Variants in LIMCH1 observed in about 807,000 individuals in gnomAD.
The protein encoded by LIMCH1 is LIM and calponin homology domains 1, also known as LIM and calponin homology domains-containing protein 1.
In LIMCH1, 113 loss-of-function variants were observed where a neutral mutation model predicts 176.5. That is an observed-to-expected ratio of 0.64 (90% confidence interval 0.55 to 0.75). The LOEUF is 0.75. Among genes scored for constraint, LIMCH1 ranks in the 30% least tolerant of loss-of-function variants. The probability of loss-of-function intolerance (pLI) is 0.00; values close to 1 mark genes in which losing one functional copy is unlikely to be tolerated. For missense variants in LIMCH1, 1,674 were observed against 1,814.9 expected (o/e 0.92, Z 1.41); for synonymous variants, 619 against 645.9 (o/e 0.96, Z 0.63).
upstream of LIMCH1, among the ~76,000 whole-genome samples, chr4:41,536,710 C>G (rs1202572482): frequency 6.6e-6 from 1 of 152,030 alleles, no homozygotes; most frequent in South Asian, 2.1e-4. Flanking sequence ...AATACCCGAC[C>G]AGTATTCTTC....
intron 1 of LIMCH1, among the ~76,000 whole-genome samples, chr4:41,447,676 A>C (rs2063420561): frequency 6.6e-6 from 1 of 152,224 alleles, no homozygotes. Context: ...GGAGACGAGA[A>C]TATCGAGACA....
At chr4:41,487,819 A>C (rs1029246565) in intron 1 of LIMCH1, among the ~76,000 whole-genome samples, 24 of 150,988 alleles carry the variant, frequency 1.6e-4, no homozygotes, top group African/African-American at 5.4e-4. Context: ...CGCCCGGCTA[A>C]TTTTTTGTAT....
intron 6 of LIMCH1, 109 bp downstream of exon 6, chr4:41,619,549 A>G: frequency 1.5e-6 from 2 of 1,378,814 alleles, no homozygotes; most frequent in South Asian, 1.3e-5. Flanking sequence ...ACTTTGATGG[A>G]AGATTACAGA....
chr4:41,576,279 A>G (rs145736731), intron 1 of LIMCH1, among the ~76,000 whole-genome samples: 1 of 152,120 alleles, frequency 6.6e-6, no homozygotes, highest in East Asian at 1.9e-4. Context: ...ATTTTTTCAG[A>G]CTTTTTTTAA....
At chr4:41,629,964 C>T (rs2093225909) in intron 9 of LIMCH1, among the ~76,000 whole-genome samples, 2 of 151,906 alleles carry the variant, frequency 1.3e-5, no homozygotes, top group South Asian at 2.1e-4. Context: ...TGCCACTATG[C>T]CTGGTTAATC....
chr4:41,534,041 A>G (rs553111437), upstream of LIMCH1, among the ~76,000 whole-genome samples: 2 of 152,324 alleles, frequency 1.3e-5, no homozygotes, highest in East Asian at 1.9e-4. Flanking sequence ...TGTGTGCAGT[A>G]AAAGCCACTG....
chr4:41,616,765 G>A (rs1375805296), intron 5 of LIMCH1, among the ~76,000 whole-genome samples: 2 of 151,938 alleles, frequency 1.3e-5, no homozygotes, highest in East Asian at 1.9e-4. Context: ...TAATTCTTGC[G>A]ACAACATGTG....
chr4:41,493,159 T>C (rs572419262), intron 1 of LIMCH1, among the ~76,000 whole-genome samples: 72 of 152,290 alleles, frequency 4.7e-4, no homozygotes, highest in Non-Finnish European at 8.7e-4. Flanking sequence ...TGTCTTTTAA[T>C]TGGGGATGTT....
chr4:41,599,068 A>G (rs545451084), intron 2 of LIMCH1, 42 bp downstream of exon 2: 65 of 1,220,406 alleles, frequency 5.3e-5, no homozygotes, highest in Non-Finnish European at 6.0e-5. Context: ...ACTCCTTTAT[A>G]GTTTGATTTG....
At chr4:41,592,121 G>A (rs2087712866) in intron 1 of LIMCH1, among the ~76,000 whole-genome samples, 1 of 152,230 alleles carries the variant, frequency 6.6e-6, no homozygotes, top group Non-Finnish European at 1.5e-5. Context: ...AACCTCTTCT[G>A]TAACTGCTGG....
chr4:41,460,466 A>T (rs866256347), intron 1 of LIMCH1, among the ~76,000 whole-genome samples: 1 of 139,064 alleles, frequency 7.2e-6, no homozygotes, highest in African/African-American at 2.9e-5. Context: ...ATCTATATAT[A>T]TATATATATA....
intron 1 of LIMCH1, among the ~76,000 whole-genome samples, chr4:41,587,080 G>T (rs6845053): frequency 0.35 from 53,100 of 152,164 alleles, 14,834 homozygotes; most frequent in African/African-American, 0.78. Context: ...GCAAATGGAA[G>T]CAGCATTGCA....
chr4:41,598,892 A>T, intron 1 of LIMCH1, 28 bp from the exon 2 acceptor site: 1 of 1,407,840 alleles, frequency 7.1e-7, no homozygotes, highest in Non-Finnish European at 1.0e-6. Context: ...AAGATAATAT[A>T]GACTTATATT....
At chr4:41,454,976 G>GTGTT (rs1197479298) in intron 1 of LIMCH1, among the ~76,000 whole-genome samples, 2 of 147,490 alleles carry the variant, frequency 1.4e-5, no homozygotes, top group African/African-American at 5.3e-5. Context: ...GTGTGTGTGT[G>GTGTT]TGTTTGTGTG....
At chr4:41,428,876 C>T (rs1458706567) in intron 1 of LIMCH1, among the ~76,000 whole-genome samples, 4 of 152,214 alleles carry the variant, frequency 2.6e-5, no homozygotes, top group Non-Finnish European at 1.5e-5. Flanking sequence ...TGTGTGAAGA[C>T]AGTCGCTCAC....
At chr4:41,587,372 A>G (rs1472970251) in intron 1 of LIMCH1, among the ~76,000 whole-genome samples, 2 of 152,110 alleles carry the variant, frequency 1.3e-5, no homozygotes, top group African/African-American at 2.4e-5. Context: ...TTGACCCTAG[A>G]CAGGTCAATA....
chr4:41,446,500 G>C (rs2063307386), intron 1 of LIMCH1, among the ~76,000 whole-genome samples: 1 of 152,240 alleles, frequency 6.6e-6, no homozygotes, highest in African/African-American at 2.4e-5. Flanking sequence ...CTGGAATGAA[G>C]TGAGCTTTGA....
intron 1 of LIMCH1, among the ~76,000 whole-genome samples, chr4:41,371,104 C>T (rs2053889053): frequency 6.6e-6 from 1 of 152,122 alleles, no homozygotes; most frequent in Non-Finnish European, 1.5e-5. Flanking sequence ...ATTTGGGACC[C>T]TTTAGAAGTA....
chr4:41,478,064 T>C (rs920180178), intron 1 of LIMCH1, among the ~76,000 whole-genome samples: 1 of 152,178 alleles, frequency 6.6e-6, no homozygotes, highest in African/African-American at 2.4e-5. Context: ...TTGTTTCTTA[T>C]AAGAGGGAAA....
Sources: allele counts gnomAD v4.1 joint callset (sites outside exome capture counted in the v4.1 genomes callset), GRCh38; gene constraint gnomAD v4.1.1; transcripts MANE v1.5; gene names NCBI Gene and HGNC (gene_info 2026-07-23, HGNC 2026-07-21).